The following FHIT variants were observed in gnomAD, a reference collection of about 807,000 sequenced individuals.
FHIT encodes the protein fragile histidine triad diadenosine triphosphatase.
FHIT carries 19 observed loss-of-function variants against 17.9 expected under a neutral mutation model. That is an observed-to-expected ratio of 1.06 (90% CI 0.74 to 1.56). The LOEUF is 1.56. Among genes scored for constraint, FHIT ranks in the 40% most tolerant of loss-of-function variants. The probability of loss-of-function intolerance (pLI) is 0.00; values close to 1 mark genes in which losing one functional copy is unlikely to be tolerated. For synonymous variants in FHIT, 81 were observed against 69.7 expected (o/e 1.16, Z -0.81); for missense variants, 248 against 189.2 (o/e 1.31, Z -1.82).
intron 5 of FHIT, among the ~76,000 whole-genome samples, chr3:60,410,171 G>A (rs1324036796): frequency 2.0e-5 from 3 of 152,188 alleles, no homozygotes; most frequent in Non-Finnish European, 2.9e-5. Flanking sequence ...TGCATCTAGA[G>A]AGAGGCAAGG....
At chr3:59,904,800 T>C (rs2107103026) in intron 8 of FHIT, among the ~76,000 whole-genome samples, 1 of 152,262 alleles carries the variant, frequency 6.6e-6, no homozygotes, top group East Asian at 1.9e-4. Context: ...TACCTGAAGG[T>C]GAGAAAGTTC....
intron 5 of FHIT, among the ~76,000 whole-genome samples, chr3:60,370,244 CA>C (rs1407211769): frequency 6.6e-6 from 1 of 151,960 alleles, no homozygotes; most frequent in Non-Finnish European, 1.5e-5. Context: ...TTATGAAGCC[CA>C]ATTCAGTTAG....
At chr3:61,096,833 G>A (rs977152635) in intron 2 of FHIT, among the ~76,000 whole-genome samples, 6 of 152,088 alleles carry the variant, frequency 3.9e-5, no homozygotes, top group African/African-American at 1.2e-4. Flanking sequence ...AAAAGAGGCC[G>A]GGAGCGGCAG....
At chr3:59,807,574 G>C (rs902416345) in intron 8 of FHIT, among the ~76,000 whole-genome samples, 3 of 152,160 alleles carry the variant, frequency 2.0e-5, no homozygotes, top group African/African-American at 7.2e-5. Context: ...CCAAGTCCCA[G>C]GCCAAAGCAG....
intron 2 of FHIT, among the ~76,000 whole-genome samples, chr3:61,074,849 C>G (rs1278845088): frequency 1.3e-5 from 2 of 152,020 alleles, no homozygotes; most frequent in African/African-American, 4.8e-5. Flanking sequence ...CTTACTTAAC[C>G]CCCTTTACCC....
intron 3 of FHIT, among the ~76,000 whole-genome samples, chr3:60,970,437 A>C (rs1049831457): frequency 4.6e-5 from 7 of 152,244 alleles, no homozygotes; most frequent in Middle Eastern, 3.4e-3. Flanking sequence ...TTTAAATAGA[A>C]GTATTTAGTG....
intron 4 of FHIT, among the ~76,000 whole-genome samples, chr3:60,801,818 A>G (rs557792988): frequency 6.6e-6 from 1 of 152,342 alleles, no homozygotes; most frequent in Non-Finnish European, 1.5e-5. Context: ...CTCTATATAC[A>G]TACTGGTGAT....
intron 5 of FHIT, among the ~76,000 whole-genome samples, chr3:60,303,586 G>A (rs989277225): frequency 6.6e-6 from 1 of 152,148 alleles, no homozygotes; most frequent in African/African-American, 2.4e-5. Flanking sequence ...CACAGGCTGT[G>A]ATCAGTGTTG....
intron 2 of FHIT, among the ~76,000 whole-genome samples, chr3:61,090,514 G>C (rs557706614): frequency 6.6e-6 from 1 of 152,284 alleles, no homozygotes; most frequent in South Asian, 2.1e-4. Context: ...AGAGAGCTTT[G>C]CTTTAGAGAT....
intron 5 of FHIT, among the ~76,000 whole-genome samples, chr3:60,276,136 C>T (rs1707120540): frequency 1.3e-5 from 2 of 151,854 alleles, no homozygotes; most frequent in Admixed American, 6.6e-5. Flanking sequence ...TATAGATACC[C>T]GCCACCAGGC....
At chr3:60,564,369 C>T (rs1402365921) in intron 4 of FHIT, among the ~76,000 whole-genome samples, 1 of 152,126 alleles carries the variant, frequency 6.6e-6, no homozygotes, top group Non-Finnish European at 1.5e-5. Context: ...TTCACACTTG[C>T]TAATACAATA....
rs376473333 is a variant in FHIT, at chr3:60,045,330, C to T, written c.104-31178G>A. Among the ~76,000 whole-genome samples the T allele has an allele frequency of 4.6e-5, 7 of 152,102 alleles. No individual in the cohort carries two copies. In the East Asian group the frequency reaches 1.4e-3, roughly 29 times the overall value. On this transcript the variant is annotated intron_variant, in intron 5 of 9. Transcript: ENST00000492590. ...TTACAGTTCCACATGGCTGGGGAGG[C>T]CTCACAATCATGGCAGAAGACAAGG...
At chr3:60,398,834 T>C (rs1701555935) in intron 5 of FHIT, among the ~76,000 whole-genome samples, 1 of 152,044 alleles carries the variant, frequency 6.6e-6, no homozygotes, top group Admixed American at 6.6e-5. Flanking sequence ...AATCTATGTT[T>C]TGGGAAAAAC....
At position 60,421,614 on chromosome 3, in the gene FHIT, A is replaced by G. The variant is rs146166250; in HGVS notation, c.103+115246T>C. ...TTTGTTAGGTATTCCATTTAATACT[A>G]TAGAAGTATTATGATATTTATTACA... On this transcript the variant is annotated intron_variant, in intron 5 of 9. Transcript: ENST00000492590. 3.3e-5 allele frequency among the ~76,000 whole-genome samples: 5 copies of G among 152,258 alleles called. No individual in the cohort carries two copies. The East Asian group carries it at 9.7e-4, about 29-fold the overall frequency.
rs1291554451 is a variant in FHIT, at chr3:59,879,803, C to A, written c.348+42543G>T. 2.0e-5 allele frequency among the ~76,000 whole-genome samples: 3 copies of A among 152,192 alleles called. No individual in the cohort carries two copies. The East Asian group carries it at 5.8e-4, about 29-fold the overall frequency. ...TCCTCATATAACATGAATGAAGACT[C>A]TGGCTCAGTTATTGGTTTAATGAAC... is the stretch of plus-strand genomic sequence containing the variant. On this transcript the variant is annotated intron_variant, in intron 8 of 9. Transcript: ENST00000492590.
At chr3:60,296,143 CCT>C (rs1708197955) in intron 5 of FHIT, among the ~76,000 whole-genome samples, 2 of 152,030 alleles carry the variant, frequency 1.3e-5, no homozygotes, top group South Asian at 2.1e-4. Flanking sequence ...GTCCATTAAA[CCT>C]CTTTTTCTTT....
At chr3:60,270,188 C>A (rs1706795010) in intron 5 of FHIT, among the ~76,000 whole-genome samples, 1 of 152,244 alleles carries the variant, frequency 6.6e-6, no homozygotes, top group East Asian at 1.9e-4. Context: ...GCGCATGGAG[C>A]CCCAGCACAG....
At chr3:61,200,917 T>C (rs540081433) in intron 1 of FHIT, among the ~76,000 whole-genome samples, 54 of 152,384 alleles carry the variant, frequency 3.5e-4, no homozygotes, top group Middle Eastern at 3.4e-3. Flanking sequence ...TCAAATCTTT[T>C]GGAGTGTGTA....
chr3:60,574,737 A>C (rs896512637), intron 4 of FHIT, among the ~76,000 whole-genome samples: 1 of 152,086 alleles, frequency 6.6e-6, no homozygotes, highest in Admixed American at 6.6e-5. Context: ...AAGCTCCATC[A>C]GTCGACTCAT....
Sources: allele counts gnomAD v4.1 joint callset (sites outside exome capture counted in the v4.1 genomes callset), GRCh38; gene constraint gnomAD v4.1.1; transcripts MANE v1.5; gene names NCBI Gene and HGNC (gene_info 2026-07-23, HGNC 2026-07-21).